The following PELI2 variants were observed in gnomAD, a reference collection of about 807,000 sequenced individuals.
PELI2 encodes the protein pellino E3 ubiquitin protein ligase family member 2.
In PELI2, 23 loss-of-function variants were observed where a neutral mutation model predicts 42.3. That is an observed-to-expected ratio of 0.54 (90% CI 0.39 to 0.77). The LOEUF (loss-of-function observed/expected upper bound fraction) is 0.77, where lower values mean the gene tolerates loss of function less well. PELI2 is among the 30% of genes least tolerant of loss of function. PELI2 has a pLI of 0.00. For synonymous variants in PELI2, 245 were observed against 212.2 expected, an observed-to-expected ratio of 1.15 and a Z score of -1.34; for missense variants, 463 against 553.2, an observed-to-expected ratio of 0.84 and a Z score of 1.64.
chr14:56,140,993 T>G (rs1883886070), intron 1 of PELI2, among the ~76,000 whole-genome samples: 1 of 152,142 alleles, frequency 6.6e-6, no homozygotes. Flanking sequence ...ATTGTTTAGT[T>G]GTCCTGTCTG....
intron 1 of PELI2, among the ~76,000 whole-genome samples, chr14:56,149,839 C>T (rs926078669): frequency 1.3e-5 from 2 of 152,158 alleles, no homozygotes; most frequent in African/African-American, 4.8e-5. Flanking sequence ...TTGTGTTTTA[C>T]TTTCGTTAAG....
intron 4 of PELI2, among the ~76,000 whole-genome samples, chr14:56,289,697 A>C (rs1889764143): frequency 6.6e-6 from 1 of 151,364 alleles, no homozygotes; most frequent in Non-Finnish European, 1.5e-5. Context: ...ACAAGCACCC[A>C]AGAGTGTCTG....
chr14:56,206,747 A>G (rs1332419426), intron 2 of PELI2, among the ~76,000 whole-genome samples: 11 of 151,968 alleles, frequency 7.2e-5, no homozygotes, highest in African/African-American at 9.7e-5. Flanking sequence ...TATTTTATCA[A>G]TCTAATACCA....
chr14:56,210,973 C>A (rs1049011803), intron 2 of PELI2, among the ~76,000 whole-genome samples: 35 of 152,102 alleles, frequency 2.3e-4, no homozygotes, highest in Non-Finnish European at 1.6e-4. Context: ...GGTATTGCTC[C>A]CACCCTTGGT....
chr14:56,188,681 G>A (rs1392252061), intron 2 of PELI2, among the ~76,000 whole-genome samples: 1 of 152,072 alleles, frequency 6.6e-6, no homozygotes, highest in Non-Finnish European at 1.5e-5. Flanking sequence ...TTCAGGCATA[G>A]CATTTGTTTT....
At chr14:56,198,012 A>ACACC (rs1555346662) in intron 2 of PELI2, among the ~76,000 whole-genome samples, 4 of 117,582 alleles carry the variant, frequency 3.4e-5, no homozygotes, top group Admixed American at 8.6e-5. Flanking sequence ...ACACACACAC[A>ACACC]CCCACCTCTT....
intron 1 of PELI2, among the ~76,000 whole-genome samples, chr14:56,136,092 C>T (rs1883680463): frequency 6.6e-6 from 1 of 152,152 alleles, no homozygotes; most frequent in South Asian, 2.1e-4. Context: ...CCCATTTATA[C>T]ATGTTATTCT....
chr14:56,182,238 G>T (rs2281826), intron 2 of PELI2, among the ~76,000 whole-genome samples: 62,602 of 152,000 alleles, frequency 0.41, 13,418 homozygotes, highest in South Asian at 0.53. Context: ...GAGATCCAGG[G>T]GTCTTGTGGG....
At chr14:56,169,807 G>A (rs981097772) in intron 1 of PELI2, among the ~76,000 whole-genome samples, 5 of 152,322 alleles carry the variant, frequency 3.3e-5, no homozygotes, top group Middle Eastern at 6.8e-3. Context: ...CTTAAGCAAA[G>A]AGAAATAAAC....
chr14:56,211,907 T>G (rs982538726), intron 2 of PELI2, among the ~76,000 whole-genome samples: 4 of 152,174 alleles, frequency 2.6e-5, no homozygotes, highest in African/African-American at 9.7e-5. Context: ...GCATGCATGT[T>G]GGCTCTCCCC....
chr14:56,264,892 A>G (rs1212684108), intron 2 of PELI2, among the ~76,000 whole-genome samples: 2 of 152,188 alleles, frequency 1.3e-5, no homozygotes, highest in Admixed American at 6.5e-5. Context: ...TTGATAGAAT[A>G]TAACTGTGAA....
intron 1 of PELI2, among the ~76,000 whole-genome samples, chr14:56,176,056 A>T (rs1250800659): frequency 6.6e-6 from 1 of 152,226 alleles, no homozygotes; most frequent in Non-Finnish European, 1.5e-5. Context: ...CAAAACTAGA[A>T]TGTTATTGGC....
chr14:56,231,012 C>A (rs1423176803), intron 2 of PELI2, among the ~76,000 whole-genome samples: 1 of 152,040 alleles, frequency 6.6e-6, no homozygotes, highest in Non-Finnish European at 1.5e-5. Context: ...ACAAAGAAGG[C>A]CATTACATAA....
At position 56,219,551 on chromosome 14, in the gene PELI2, A is replaced by G. The variant is rs535644677; in HGVS notation, c.207+41087A>G. Among the ~76,000 whole-genome samples, 1 of 152,316 alleles carries G rather than the reference A, an allele frequency of 6.6e-6. No individual in the cohort carries two copies. Among genetic ancestry groups the G allele is most frequent in the Non-Finnish European group, 1.5e-5 (1 of 68,020 alleles). On this transcript the variant is annotated intron_variant, in intron 2 of 5. Coordinates refer to ENST00000267460, the MANE Select transcript of PELI2 (RefSeq NM_021255.3). This position sits in a 1 kb window ranked among gnomAD's most constrained non-coding sequence, Gnocchi z 4.1. The stretch of plus-strand genomic sequence containing the variant: ...TCCCTCAATCTTACAAACAGTAGGC[A>G]TCCACAAGGAAGTCAAAGAAAGGGT...
At chr14:56,171,028 G>T (rs934456718) in intron 1 of PELI2, among the ~76,000 whole-genome samples, 2 of 152,200 alleles carry the variant, frequency 1.3e-5, no homozygotes, top group Non-Finnish European at 2.9e-5. Flanking sequence ...AAGCGTGCCA[G>T]CCCAGGGAAC....
In PELI2 at chr14:56,293,281, C is replaced by A. The variant is rs565985323; in HGVS notation, c.696+2825C>A. Among the ~76,000 whole-genome samples the A allele has an allele frequency of 2.0e-4, 30 of 152,318 alleles. 1 individual carries two copies. The South Asian group carries it at 4.8e-3, about 24-fold the overall frequency. Reference sequence around the variant, plus strand: ...CCAAATGTCTCTTGCTTCCACAATACTGTCAATTCCTGTGCCTGCTCATAG... The same window carrying A: ...CCAAATGTCTCTTGCTTCCACAATAATGTCAATTCCTGTGCCTGCTCATAG... On this transcript the variant is annotated intron_variant, in intron 5 of 5. Coordinates refer to ENST00000267460, the MANE Select transcript of PELI2 (RefSeq NM_021255.3).
At chr14:56,271,838 C>T (rs1467082877) in intron 2 of PELI2, among the ~76,000 whole-genome samples, 1 of 152,186 alleles carries the variant, frequency 6.6e-6, no homozygotes, top group Non-Finnish European at 1.5e-5. Context: ...GAGCAGATCG[C>T]GTGAGCCCAG....
At chr14:56,198,155 T>C (rs1886207976) in intron 2 of PELI2, among the ~76,000 whole-genome samples, 1 of 152,148 alleles carries the variant, frequency 6.6e-6, no homozygotes, top group African/African-American at 2.4e-5. Context: ...TTGTAATGTA[T>C]GGATGATGAT....
intron 2 of PELI2, among the ~76,000 whole-genome samples, chr14:56,267,435 C>T (rs1888947269): frequency 6.6e-6 from 1 of 152,084 alleles, no homozygotes; most frequent in East Asian, 1.9e-4. Flanking sequence ...TGAGGAGTAA[C>T]ATCCAGATAT....
Sources: gnomAD v4.1 joint callset for allele counts (sites outside exome capture counted in the v4.1 genomes callset) on GRCh38, gnomAD v4.1.1 for gene constraint, Gnocchi (gnomAD v3.1) non-coding constraint, MANE v1.5 for transcripts, NCBI Gene and HGNC (gene_info 2026-07-23, HGNC 2026-07-21) for gene names.